ELP3: variants seen among roughly 807,000 people sequenced by gnomAD.
ELP3 encodes the protein elongator complex protein 3.
Under a neutral mutation model 74.9 loss-of-function variants are expected in ELP3, and 56 were observed. The observed-to-expected ratio is 0.75, with a 90% CI of 0.60 to 0.93. The LOEUF is 0.93. Among genes scored for constraint, ELP3 ranks in the 40% least tolerant of loss-of-function variants. The pLI is 0.00. For synonymous variants in ELP3, 222 were observed against 239.8 expected, an observed-to-expected ratio of 0.93 and a Z score of 0.68; for missense variants, 573 against 686.5, an observed-to-expected ratio of 0.83 and a Z score of 1.85.
upstream of ELP3, chr8:28,092,833 C>T (rs912310811): frequency 1.5e-5 from 4 of 270,416 alleles, no homozygotes; most frequent in East Asian, 2.5e-4. Flanking sequence ...CCCACTCCCC[C>T]CCATGAGAGA....
At chr8:28,165,896 A>G (rs1189702692) in intron 14 of ELP3, among the ~76,000 whole-genome samples, 2 of 152,206 alleles carry the variant, frequency 1.3e-5, no homozygotes, top group East Asian at 3.8e-4. Context: ...ATAGCAGATT[A>G]TCTTTTTAAA....
intron 2 of ELP3, among the ~76,000 whole-genome samples, chr8:28,097,696 G>A (rs910649337): frequency 3.3e-5 from 5 of 151,926 alleles, no homozygotes; most frequent in Admixed American, 1.3e-4. Flanking sequence ...GCACCCGGCC[G>A]TCATTCATTT....
chr8:28,123,088 C>A (rs1219300114), intron 7 of ELP3, among the ~76,000 whole-genome samples: 1 of 152,150 alleles, frequency 6.6e-6, no homozygotes, highest in East Asian at 1.9e-4. Flanking sequence ...CACGCCACTG[C>A]CCTCCAGGCT....
chr8:28,094,217 C>G (rs1811163469), intron 1 of ELP3, among the ~76,000 whole-genome samples: 1 of 152,226 alleles, frequency 6.6e-6, no homozygotes, highest in African/African-American at 2.4e-5. Context: ...GTCACCAAGT[C>G]ATGTTGATTC....
upstream of ELP3, among the ~76,000 whole-genome samples, chr8:28,091,974 T>C (rs149116950): frequency 1.6e-3 from 242 of 152,330 alleles, no homozygotes; most frequent in African/African-American, 5.5e-3. Context: ...GAGTCAAATA[T>C]GCATTTTTCT....
intron 1 of ELP3, 179 bp downstream of exon 1, chr8:28,093,412 T>C: frequency 1.3e-6 from 1 of 778,934 alleles, no homozygotes. Flanking sequence ...CTGTTTTGCT[T>C]TTTGAAGCAC....
At position 28,099,827 on chromosome 8, in the gene ELP3, G is replaced by A. The variant is rs753418693; in HGVS notation, c.120-1G>A. The A allele has an allele frequency of 1.9e-6, 3 of 1,614,164 alleles. No homozygotes were observed. Among genetic ancestry groups the A allele is most frequent in the Non-Finnish European group, 1.7e-6 (2 of 1,180,026 alleles). On this transcript the variant is annotated splice_acceptor_variant, in intron 2 of 14. Coordinates refer to ENST00000256398, the MANE Select transcript of ELP3 (RefSeq NM_018091.6). LOFTEE classifies it high-confidence loss of function. ...GATAATGTGAGATGCTTTACTTTCA[G>A]GGTGAAAACCAAGACAGCTGCCAAA...
At chr8:28,100,246 A>G (rs1446363647) in intron 3 of ELP3, among the ~76,000 whole-genome samples, 1 of 152,276 alleles carries the variant, frequency 6.6e-6, no homozygotes, top group East Asian at 1.9e-4. Context: ...AATGTTGGCC[A>G]TCTTAAGCTG....
At chr8:28,159,301 A>G (rs1367583318) in intron 12 of ELP3, among the ~76,000 whole-genome samples, 1 of 152,202 alleles carries the variant, frequency 6.6e-6, no homozygotes, top group African/African-American at 2.4e-5. Flanking sequence ...CTGCATTGAT[A>G]TTTCTGTTCT....
intron 7 of ELP3, among the ~76,000 whole-genome samples, chr8:28,126,438 G>A (rs1018890287): frequency 1.7e-4 from 26 of 152,150 alleles, no homozygotes; most frequent in Admixed American, 3.9e-4. Context: ...ACAGAAAAGC[G>A]TAGGATTCAA....
intron 10 of ELP3, among the ~76,000 whole-genome samples, chr8:28,138,430 T>C (rs1813082722): frequency 6.6e-6 from 1 of 152,196 alleles, no homozygotes; most frequent in Non-Finnish European, 1.5e-5. Flanking sequence ...GAACCTTATC[T>C]ACCTATTTAT....
At chr8:28,179,299 C>T (rs767205203) in intron 14 of ELP3, among the ~76,000 whole-genome samples, 2 of 152,196 alleles carry the variant, frequency 1.3e-5, no homozygotes, top group Non-Finnish European at 2.9e-5. Flanking sequence ...ATGTAGGACT[C>T]CATGATGTAC....
In ELP3 at chr8:28,167,332, C is replaced by A. The variant is rs17058681; in HGVS notation, c.1567+5254C>A. On this transcript the variant is annotated intron_variant, in intron 14 of 14. Transcript: ENST00000256398. The stretch of plus-strand genomic sequence containing the variant: ...TTAATGGTCTTGTTTGCCAGAACCA[C>A]TGATTAATAAAATCATATGTGGGCA... 9.2e-3 allele frequency among the ~76,000 whole-genome samples: 1,400 copies of A among 152,256 alleles called. 24 individuals are homozygous for A. Among genetic ancestry groups the A allele is most frequent in the African/African-American group, 0.031 (1,298 of 41,550 alleles).
At chr8:28,090,476 T>TG (rs1554492408), upstream of ELP3, 4 of 238,412 alleles carry the variant, frequency 1.7e-5, no homozygotes, top group Non-Finnish European at 3.3e-5. Context: ...CATAGTCTGA[T>TG]GGGTGGGTGT....
At chr8:28,138,311 A>G (rs1206380205) in intron 10 of ELP3, among the ~76,000 whole-genome samples, 1 of 152,218 alleles carries the variant, frequency 6.6e-6, no homozygotes, top group African/African-American at 2.4e-5. Context: ...ACAGATATTA[A>G]TGTAAATGTG....
At chr8:28,156,056 G>T in intron 11 of ELP3, 24 bp downstream of exon 11, 2 of 1,588,262 alleles carry the variant, frequency 1.3e-6, no homozygotes, top group South Asian at 2.2e-5. Flanking sequence ...TGGCGGTCAG[G>T]CCACAACTGT....
intron 2 of ELP3, among the ~76,000 whole-genome samples, chr8:28,099,550 A>C (rs148107674): frequency 4.6e-5 from 7 of 152,322 alleles, no homozygotes; most frequent in African/African-American, 1.7e-4. Flanking sequence ...CTGCAGCACT[A>C]TTCTGAACTA....
intron 7 of ELP3, among the ~76,000 whole-genome samples, chr8:28,123,831 A>ACAGCCTCC (rs71222538): frequency 6.6e-6 from 1 of 151,702 alleles, no homozygotes; most frequent in Non-Finnish European, 1.5e-5. Flanking sequence ...TTTAGCCGTC[A>ACAGCCTCC]TGTGCTTACT....
intron 14 of ELP3, among the ~76,000 whole-genome samples, chr8:28,172,622 A>G (rs978213321): frequency 6.6e-6 from 1 of 152,068 alleles, no homozygotes; most frequent in African/African-American, 2.4e-5. Flanking sequence ...TTCCTATCCA[A>G]TTTGGGTGCC....
Sources: allele counts gnomAD v4.1 joint callset (sites outside exome capture counted in the v4.1 genomes callset), GRCh38; gene constraint gnomAD v4.1.1; transcripts MANE v1.5; gene names NCBI Gene and HGNC (gene_info 2026-07-23, HGNC 2026-07-21).